Variants in KHDRBS2 observed in about 807,000 individuals in gnomAD.
KHDRBS2 encodes KH RNA binding domain containing, signal transduction associated 2.
KHDRBS2 carries 26 observed loss-of-function variants against 44.3 expected under a neutral mutation model. The observed-to-expected ratio is 0.59, with a 90% CI of 0.43 to 0.81. The LOEUF is 0.81. KHDRBS2 is among the 40% of genes least tolerant of loss of function. The pLI, the probability that KHDRBS2 is intolerant of heterozygous loss-of-function variation, is 0.00. For synonymous variants in KHDRBS2, 194 were observed against 151.1 expected, an observed-to-expected ratio of 1.28 and a Z score of -2.08; for missense variants, 476 against 433.1, an observed-to-expected ratio of 1.10 and a Z score of -0.88.
chr6:62,031,133 C>T (rs1485510385), intron 3 of KHDRBS2, among the ~76,000 whole-genome samples: 1 of 151,986 alleles, frequency 6.6e-6, no homozygotes, highest in East Asian at 1.9e-4. Flanking sequence ...TGGAGGGAGG[C>T]TCAAATAATT....
chr6:62,046,590 T>A (rs1427603769), intron 3 of KHDRBS2, among the ~76,000 whole-genome samples: 1 of 151,876 alleles, frequency 6.6e-6, no homozygotes, highest in East Asian at 1.9e-4. Context: ...ACAAAAACAA[T>A]ATTAAAGAAT....
At chr6:61,567,377 A>C in the KHDRBS2 span, among the ~76,000 whole-genome samples, 1 of 152,332 alleles carries the variant, frequency 6.6e-6, no homozygotes, top group East Asian at 1.9e-4. Flanking sequence ...TAAATGTAAA[A>C]TACATCTTAG....
At chr6:61,869,969 T>TA in intron 6 of KHDRBS2, among the ~76,000 whole-genome samples, 2 of 105,150 alleles carry the variant, frequency 1.9e-5, no homozygotes, top group Middle Eastern at 8.6e-3. Context: ...GGAGTGTTTT[T>TA]TTTTTTTTTT....
At chr6:61,826,723 T>C (rs1790928305) in intron 6 of KHDRBS2, among the ~76,000 whole-genome samples, 1 of 152,180 alleles carries the variant, frequency 6.6e-6, no homozygotes, top group South Asian at 2.1e-4. Flanking sequence ...GATGATTCAC[T>C]ATTTCCTATC....
intron 6 of KHDRBS2, among the ~76,000 whole-genome samples, chr6:61,813,097 T>A (rs952104323): frequency 6.6e-6 from 1 of 151,896 alleles, no homozygotes; most frequent in African/African-American, 2.4e-5. Flanking sequence ...TAAAATGTAA[T>A]GGAAAAGAAA....
At chr6:62,110,085 C>T (rs767415814) in intron 2 of KHDRBS2, among the ~76,000 whole-genome samples, 1 of 151,682 alleles carries the variant, frequency 6.6e-6, no homozygotes, top group Admixed American at 6.6e-5. Flanking sequence ...AACGACAAGG[C>T]CCAGGAAGGA....
chr6:61,841,272 T>C (rs1793551409), intron 6 of KHDRBS2, among the ~76,000 whole-genome samples: 1 of 152,174 alleles, frequency 6.6e-6, no homozygotes, highest in South Asian at 2.1e-4. Flanking sequence ...CTAAACTCTT[T>C]GAGGGCAGAC....
chr6:62,059,836 T>A (rs1791309087), intron 2 of KHDRBS2, among the ~76,000 whole-genome samples: 1 of 151,072 alleles, frequency 6.6e-6, no homozygotes, highest in South Asian at 2.1e-4. Flanking sequence ...GAAGAAAAAA[T>A]AAGGAAGAAG....
chr6:61,977,472 C>T (rs1209676426), intron 4 of KHDRBS2, among the ~76,000 whole-genome samples: 4 of 152,148 alleles, frequency 2.6e-5, no homozygotes, highest in East Asian at 1.9e-4. Context: ...TAAACATTCT[C>T]TGTTGCCCTC....
At chr6:61,892,786 T>A (rs1478328948) in intron 6 of KHDRBS2, among the ~76,000 whole-genome samples, 2 of 152,036 alleles carry the variant, frequency 1.3e-5, no homozygotes, top group Non-Finnish European at 1.5e-5. Flanking sequence ...TTAGACCTAA[T>A]ACCATAAAAA....
intron 6 of KHDRBS2, among the ~76,000 whole-genome samples, chr6:61,771,827 C>A (rs1434169963): frequency 1.3e-5 from 2 of 152,134 alleles, no homozygotes; most frequent in Non-Finnish European, 2.9e-5. Context: ...CAGATCTGCA[C>A]CGAGCGGACC....
chr6:61,723,131 C>G (rs182520856), intron 7 of KHDRBS2, among the ~76,000 whole-genome samples: 10 of 151,028 alleles, frequency 6.6e-5, no homozygotes, highest in Admixed American at 2.0e-4. Context: ...CACAGCAGGA[C>G]TATAGACAAG....
At chr6:61,559,088 T>G in the KHDRBS2 span, among the ~76,000 whole-genome samples, 3 of 152,158 alleles carry the variant, frequency 2.0e-5, no homozygotes, top group South Asian at 6.2e-4. Flanking sequence ...TTTATATATG[T>G]GGGTGCTGCA....
intron 7 of KHDRBS2, among the ~76,000 whole-genome samples, chr6:61,711,586 C>T (rs1267705539): frequency 6.6e-6 from 1 of 151,808 alleles, no homozygotes; most frequent in Admixed American, 6.6e-5. Flanking sequence ...AATAATATGA[C>T]ATAGCCACTT....
At chr6:62,175,194 C>A (rs1820842476) in intron 2 of KHDRBS2, among the ~76,000 whole-genome samples, 1 of 151,502 alleles carries the variant, frequency 6.6e-6, no homozygotes, top group South Asian at 2.1e-4. Flanking sequence ...CTTTTTCTAT[C>A]AAAAAGCTCT....
downstream of KHDRBS2, among the ~76,000 whole-genome samples, chr6:61,678,539 T>C (rs766217951): frequency 1.3e-5 from 2 of 151,968 alleles, no homozygotes; most frequent in Non-Finnish European, 2.9e-5. Flanking sequence ...TGATTGTGAG[T>C]TCCTTCTCCT....
At chr6:61,962,889 G>T (rs1418902810) in intron 4 of KHDRBS2, among the ~76,000 whole-genome samples, 1 of 152,034 alleles carries the variant, frequency 6.6e-6, no homozygotes, top group Non-Finnish European at 1.5e-5. Flanking sequence ...TTAATAAAAA[G>T]GGAAACACAT....
the KHDRBS2 span, among the ~76,000 whole-genome samples, chr6:61,620,160 A>C: frequency 6.6e-6 from 1 of 152,180 alleles, no homozygotes. Context: ...AATATGCAAT[A>C]TAAAATGAAT....
At chr6:62,136,623 C>A (rs973633006) in intron 2 of KHDRBS2, among the ~76,000 whole-genome samples, 1 of 152,002 alleles carries the variant, frequency 6.6e-6, no homozygotes, top group Non-Finnish European at 1.5e-5. Flanking sequence ...GTATTTTTCT[C>A]TTCTATGAAA....
Sources: allele counts gnomAD v4.1 joint callset (sites outside exome capture counted in the v4.1 genomes callset), GRCh38; gene constraint gnomAD v4.1.1; transcripts MANE v1.5; gene names NCBI Gene and HGNC (gene_info 2026-07-23, HGNC 2026-07-21).